CCSER1: variants seen among roughly 807,000 people sequenced by gnomAD.
The protein encoded by CCSER1 is serine-rich coiled-coil domain-containing protein 1.
In CCSER1, 41 loss-of-function variants were observed where a neutral mutation model predicts 82.0. The ratio of observed to expected loss-of-function variants is 0.50; its 90% CI spans 0.39 to 0.65. CCSER1 has a LOEUF of 0.65. Among genes scored for constraint, CCSER1 ranks in the 30% least tolerant of loss-of-function variants. The probability of loss-of-function intolerance (pLI) is 0.00; values close to 1 mark genes in which losing one functional copy is unlikely to be tolerated. For synonymous variants in CCSER1, 414 were observed against 383.9 expected (o/e 1.08, Z -0.92); for missense variants, 1,119 against 1,064.2 (o/e 1.05, Z -0.72).
intron 10 of CCSER1, among the ~76,000 whole-genome samples, chr4:91,489,977 C>G (rs1758428565): frequency 6.6e-6 from 1 of 151,942 alleles, no homozygotes; most frequent in South Asian, 2.1e-4. Flanking sequence ...AAACAGCAAA[C>G]AAGTGTACAA....
intron 9 of CCSER1, among the ~76,000 whole-genome samples, chr4:91,066,204 A>C (rs1167748070): frequency 6.6e-6 from 1 of 152,224 alleles, no homozygotes; most frequent in African/African-American, 2.4e-5. Context: ...AACAGTCACC[A>C]AAATGGGTCA....
chr4:90,423,791 T>C (rs981349849), intron 4 of CCSER1, among the ~76,000 whole-genome samples: 3 of 151,612 alleles, frequency 2.0e-5, no homozygotes, highest in Non-Finnish European at 1.5e-5. Context: ...TGGTTCTTTT[T>C]TAATAACACA....
At chr4:91,458,085 T>C (rs1320377148) in intron 10 of CCSER1, among the ~76,000 whole-genome samples, 1 of 152,184 alleles carries the variant, frequency 6.6e-6, no homozygotes, top group Non-Finnish European at 1.5e-5. Flanking sequence ...CCTGGACCAA[T>C]GTCCTGAAGT....
At chr4:90,186,944 C>T (rs1245760659) in intron 1 of CCSER1, among the ~76,000 whole-genome samples, 7 of 151,944 alleles carry the variant, frequency 4.6e-5, no homozygotes, top group South Asian at 4.2e-4. Context: ...TTTTCTGCAT[C>T]GTTTTTCCCT....
intron 10 of CCSER1, among the ~76,000 whole-genome samples, chr4:91,583,588 T>A (rs1380487566): frequency 1.3e-5 from 2 of 151,522 alleles, no homozygotes; most frequent in African/African-American, 4.8e-5. Flanking sequence ...TTAAAGCATC[T>A]TGATTATTGG....
chr4:91,316,550 T>A (rs1745849292), intron 10 of CCSER1, among the ~76,000 whole-genome samples: 1 of 152,036 alleles, frequency 6.6e-6, no homozygotes, highest in African/African-American at 2.4e-5. Context: ...TCTATGACAC[T>A]AAATACGTAC....
chr4:91,469,335 A>T (rs1560696562), intron 10 of CCSER1, among the ~76,000 whole-genome samples: 1 of 152,200 alleles, frequency 6.6e-6, no homozygotes, highest in Non-Finnish European at 1.5e-5. Flanking sequence ...CATAGTTTTT[A>T]AAAAAGTTCT....
intron 10 of CCSER1, among the ~76,000 whole-genome samples, chr4:91,498,955 T>C (rs113538145): frequency 0.011 from 1,747 of 152,062 alleles, 11 homozygotes; most frequent in African/African-American, 0.023. Context: ...TTACTTATTA[T>C]GTTAATAATG....
chr4:90,227,463 C>A (rs1385339946), intron 1 of CCSER1, among the ~76,000 whole-genome samples: 2 of 152,196 alleles, frequency 1.3e-5, no homozygotes, highest in Admixed American at 6.5e-5. Flanking sequence ...TCATTTGAAT[C>A]TGCTAAACAT....
chr4:90,869,486 C>T (rs1269600207), intron 8 of CCSER1, among the ~76,000 whole-genome samples: 2 of 151,884 alleles, frequency 1.3e-5, no homozygotes, highest in African/African-American at 2.4e-5. Flanking sequence ...GTTCTTGTCA[C>T]CTCTGTTGAA....
At chr4:90,999,519 G>A (rs1737802496) in intron 9 of CCSER1, among the ~76,000 whole-genome samples, 2 of 152,222 alleles carry the variant, frequency 1.3e-5, no homozygotes, top group South Asian at 4.1e-4. Flanking sequence ...GTTGGCTACT[G>A]TATATCTTCT....
intron 10 of CCSER1, among the ~76,000 whole-genome samples, chr4:91,473,046 T>C (rs894779537): frequency 2.5e-5 from 3 of 120,528 alleles, no homozygotes; most frequent in Admixed American, 7.6e-5. Context: ...AAATTCCAAA[T>C]GATATTTCAT....
At chr4:90,518,870 A>G (rs1772664225) in intron 5 of CCSER1, among the ~76,000 whole-genome samples, 2 of 151,856 alleles carry the variant, frequency 1.3e-5, no homozygotes, top group South Asian at 4.1e-4. Context: ...CATAGATAGG[A>G]CTGTTTCTAT....
At chr4:91,330,503 C>G (rs1257152775) in intron 10 of CCSER1, among the ~76,000 whole-genome samples, 1 of 60,504 alleles carries the variant, frequency 1.7e-5, no homozygotes, top group Non-Finnish European at 3.1e-5. Flanking sequence ...TCTTATTACC[C>G]CTCAAAAACA....
chr4:90,998,674 G>A (rs1265117150), intron 9 of CCSER1, among the ~76,000 whole-genome samples: 2 of 151,456 alleles, frequency 1.3e-5, no homozygotes, highest in African/African-American at 4.9e-5. Context: ...AAAAGCTTAA[G>A]TCAACTTGTC....
intron 8 of CCSER1, among the ~76,000 whole-genome samples, chr4:90,858,432 T>C (rs1764705005): frequency 6.6e-6 from 1 of 151,964 alleles, no homozygotes; most frequent in African/African-American, 2.4e-5. Flanking sequence ...ATTGCACACA[T>C]AGAACCTTCA....
intron 4 of CCSER1, among the ~76,000 whole-genome samples, chr4:90,408,427 A>G (rs1377544115): frequency 1.3e-5 from 2 of 152,148 alleles, no homozygotes; most frequent in African/African-American, 4.8e-5. Context: ...TACTCCTCTG[A>G]GACAAAACTT....
At chr4:90,860,126 A>G (rs992931444) in intron 8 of CCSER1, among the ~76,000 whole-genome samples, 1 of 151,722 alleles carries the variant, frequency 6.6e-6, no homozygotes, top group Admixed American at 6.6e-5. Context: ...TATATCCAGA[A>G]TACATAAAAA....
At chr4:90,452,645 C>A (rs1761614214) in intron 4 of CCSER1, among the ~76,000 whole-genome samples, 1 of 152,172 alleles carries the variant, frequency 6.6e-6, no homozygotes, top group African/African-American at 2.4e-5. Flanking sequence ...GATTGAACAT[C>A]TCCTCATTGG....
Sources: allele counts gnomAD v4.1 joint callset (sites outside exome capture counted in the v4.1 genomes callset), GRCh38; gene constraint gnomAD v4.1.1; transcripts MANE v1.5; gene names NCBI Gene and HGNC (gene_info 2026-07-23, HGNC 2026-07-21).